EXOC4: variants seen among roughly 807,000 people sequenced by gnomAD.
The protein encoded by EXOC4 is SEC8-like 1.
A neutral mutation model predicts 107.2 loss-of-function variants in EXOC4; 71 were observed. That is an observed-to-expected ratio of 0.66 (90% confidence interval 0.55 to 0.81). The LOEUF is 0.81. EXOC4 is among the 30% of genes least tolerant of loss of function. The pLI, the probability that EXOC4 is intolerant of heterozygous loss-of-function variation, is 0.00. For missense variants in EXOC4, 1,108 were observed against 1,189.6 expected (o/e 0.93, Z 1.01); for synonymous variants, 456 against 441.2 (o/e 1.03, Z -0.42).
intron 1 of EXOC4, among the ~76,000 whole-genome samples, chr7:133,261,533 C>T (rs78150316): frequency 0.046 from 6,982 of 152,184 alleles, 364 homozygotes; most frequent in African/African-American, 0.13. Context: ...CCACCACACC[C>T]GGGCACCTTG....
intron 9 of EXOC4, among the ~76,000 whole-genome samples, chr7:133,621,785 T>A (rs945097409): frequency 3.9e-5 from 6 of 152,200 alleles, no homozygotes; most frequent in Non-Finnish European, 8.8e-5. Context: ...CTTAATACTG[T>A]TGCATGGCAA....
chr7:133,518,205 G>T (rs1013617625), intron 9 of EXOC4, among the ~76,000 whole-genome samples: 2 of 151,932 alleles, frequency 1.3e-5, no homozygotes, highest in South Asian at 4.2e-4. Flanking sequence ...GGAGAAATCG[G>T]CCGTATTTTT....
chr7:134,067,126 G>C (rs2116653425), downstream of EXOC4, among the ~76,000 whole-genome samples: 1 of 144,070 alleles, frequency 6.9e-6, no homozygotes, highest in East Asian at 2.0e-4. Flanking sequence ...CTCCAGCCTA[G>C]GCGACAGAGC....
chr7:133,977,035 G>A (rs977903492), intron 14 of EXOC4, among the ~76,000 whole-genome samples: 27 of 152,194 alleles, frequency 1.8e-4, no homozygotes, highest in African/African-American at 6.0e-4. Context: ...CTTGAGGCTT[G>A]GTGGTCTAAC....
intron 3 of EXOC4, among the ~76,000 whole-genome samples, chr7:133,291,650 T>G (rs1794408511): frequency 6.6e-6 from 1 of 152,176 alleles, no homozygotes; most frequent in South Asian, 2.1e-4. Flanking sequence ...CCCAAAGTGC[T>G]GGGATTACAG....
chr7:133,651,915 G>A (rs1005993636), intron 10 of EXOC4, among the ~76,000 whole-genome samples: 1 of 152,198 alleles, frequency 6.6e-6, no homozygotes, highest in South Asian at 2.1e-4. Context: ...GCTGACCTCA[G>A]GTGATCTGCC....
intron 8 of EXOC4, among the ~76,000 whole-genome samples, chr7:133,476,402 G>C (rs1799013500): frequency 6.6e-6 from 1 of 152,124 alleles, no homozygotes; most frequent in Non-Finnish European, 1.5e-5. Context: ...TGAGGATTTA[G>C]TAGATATTTA....
intron 10 of EXOC4, among the ~76,000 whole-genome samples, chr7:133,680,347 T>A (rs1794159683): frequency 6.6e-6 from 1 of 152,174 alleles, no homozygotes; most frequent in African/African-American, 2.4e-5. Flanking sequence ...AGTTAACACT[T>A]AAAAATATCT....
rs1265338155 is a variant in EXOC4, at chr7:133,483,973, C to T, written c.1417+3835C>T. 14 of 1,548,542 alleles carry T rather than the reference C, an allele frequency of 9.0e-6. No homozygotes were observed. The South Asian group carries it at 1.6e-4, about 17-fold the overall frequency. ...AAGATTTTTGTTTCTTCTGTTAACA[C>T]CATATAGCGGCAGGCTTTGCTTCCC... On this transcript the variant is annotated intron_variant, in intron 9 of 17. Coordinates refer to ENST00000253861, the MANE Select transcript of EXOC4 (RefSeq NM_021807.4).
chr7:134,021,609 T>C (rs1795030019), intron 17 of EXOC4, among the ~76,000 whole-genome samples: 1 of 151,682 alleles, frequency 6.6e-6, no homozygotes. Flanking sequence ...CCTTTAACAA[T>C]ATAGGCTTCA....
chr7:133,661,672 TAAAAA>T (rs1177627198), intron 10 of EXOC4, among the ~76,000 whole-genome samples: 10 of 13,450 alleles, frequency 7.4e-4, no homozygotes, highest in African/African-American at 1.1e-3. Context: ...TCCTTAAAAC[TAAAAA>T]AAAAAAAAAA....
In EXOC4 at chr7:133,707,625, A is replaced by T. The variant is rs555305202; in HGVS notation, c.1514+77484A>T. On this transcript the variant is annotated intron_variant, in intron 10 of 17. Coordinates refer to ENST00000253861, the MANE Select transcript of EXOC4 (RefSeq NM_021807.4). ...CCCTTTATTTTTTATTTATTTATTT[A>T]TTTTTTTTGAGATGGAGCCTCACTC... is the stretch of plus-strand genomic sequence containing the variant. 3.5e-4 allele frequency among the ~76,000 whole-genome samples: 53 copies of T among 151,110 alleles called. No homozygotes were observed. The South Asian group carries it at 7.8e-3, about 22-fold the overall frequency.
intron 9 of EXOC4, among the ~76,000 whole-genome samples, chr7:133,541,153 A>G (rs1471597853): frequency 6.6e-6 from 1 of 152,184 alleles, no homozygotes; most frequent in Non-Finnish European, 1.5e-5. Flanking sequence ...TACCTTTTTC[A>G]TATTGAAAAT....
rs1249186104 is a variant in EXOC4, at chr7:133,936,421, A to G, written c.2028-1470A>G. 2.6e-5 allele frequency among the ~76,000 whole-genome samples: 4 copies of G among 152,230 alleles called. No individual in the cohort carries two copies. The East Asian group carries it at 7.7e-4, about 29-fold the overall frequency. ...CAATTAAGCATCTTTCTATGTGTCA[A>G]CAATTTTTATTAATCACTGCATGCT... is the stretch of plus-strand genomic sequence containing the variant. On this transcript the variant is annotated intron_variant, in intron 13 of 17. Coordinates refer to ENST00000253861, the MANE Select transcript of EXOC4 (RefSeq NM_021807.4).
chr7:133,990,719 G>T (rs577638081), intron 14 of EXOC4, among the ~76,000 whole-genome samples: 2 of 152,156 alleles, frequency 1.3e-5, no homozygotes, highest in African/African-American at 4.8e-5. Context: ...CTCCTGAAGC[G>T]CTGGGATTAC....
chr7:133,361,289 CT>C (rs976379164), intron 6 of EXOC4, among the ~76,000 whole-genome samples: 2 of 151,786 alleles, frequency 1.3e-5, no homozygotes, highest in African/African-American at 2.4e-5. Flanking sequence ...TAAATTTTTT[CT>C]TTTTTTTGGA....
intron 9 of EXOC4, among the ~76,000 whole-genome samples, chr7:133,492,320 G>A (rs1252504513): frequency 6.6e-6 from 1 of 152,114 alleles, no homozygotes; most frequent in Non-Finnish European, 1.5e-5. Context: ...ATGTATTTTG[G>A]TGTCTTGGGT....
downstream of EXOC4, among the ~76,000 whole-genome samples, chr7:134,071,497 T>G (rs73448466): frequency 0.012 from 1,772 of 152,274 alleles, 46 homozygotes; most frequent in African/African-American, 0.041. Context: ...GGGGTTAAGG[T>G]CAGGAGGTGA....
At chr7:133,812,069 T>C (rs1004823977) in intron 10 of EXOC4, among the ~76,000 whole-genome samples, 2 of 152,060 alleles carry the variant, frequency 1.3e-5, no homozygotes, top group Non-Finnish European at 2.9e-5. Flanking sequence ...ATTAGTGAAA[T>C]ATTCCAAGTA....
Sources: allele counts gnomAD v4.1 joint callset (sites outside exome capture counted in the v4.1 genomes callset), GRCh38; gene constraint gnomAD v4.1.1; transcripts MANE v1.5; gene names NCBI Gene and HGNC (gene_info 2026-07-23, HGNC 2026-07-21).